SOX5: variants seen among roughly 807,000 people sequenced by gnomAD.
SOX5 encodes the protein SRY-box transcription factor 5.
Under a neutral mutation model 92.0 loss-of-function variants are expected in SOX5, and 9 were observed. That is an observed-to-expected ratio of 0.10 (90% CI 0.06 to 0.17). SOX5 has a LOEUF of 0.17. Ranked by LOEUF, SOX5 falls within the 10% of genes least tolerant of loss-of-function variation. The pLI, the probability that SOX5 is intolerant of heterozygous loss-of-function variation, is 1.00. For synonymous variants in SOX5, 344 were observed against 336.3 expected (o/e 1.02, Z -0.25); for missense variants, 642 against 944.5 (o/e 0.68, Z 4.20).
chr12:23,632,225 A>ATC (rs2078635407), intron 8 of SOX5: 1 of 152,134 alleles, frequency 6.6e-6, no homozygotes, highest in Non-Finnish European at 1.5e-5. Flanking sequence ...GGAGAGGAAA[A>ATC]GAAGGAATTC....
chr12:24,166,242 A>G (rs1953393225), intron 4 of SOX5, among the ~76,000 whole-genome samples: 1 of 152,142 alleles, frequency 6.6e-6, no homozygotes, highest in Admixed American at 6.5e-5. Flanking sequence ...GTGTTTCTTC[A>G]TAGAAGAGGG....
At chr12:23,569,200 A>C (rs1427934290) in intron 10 of SOX5, among the ~76,000 whole-genome samples, 1 of 152,154 alleles carries the variant, frequency 6.6e-6, no homozygotes, top group East Asian at 1.9e-4. Context: ...TAAAGACAAA[A>C]ATAAAAATAT....
At chr12:24,004,957 G>C (rs1951996843) in intron 4 of SOX5, among the ~76,000 whole-genome samples, 1 of 152,042 alleles carries the variant, frequency 6.6e-6, no homozygotes. Context: ...GCCGATGCAT[G>C]CTAAAACTTG....
At chr12:24,015,496 A>T (rs1351163526) in intron 4 of SOX5, among the ~76,000 whole-genome samples, 2 of 152,176 alleles carry the variant, frequency 1.3e-5, no homozygotes, top group East Asian at 3.8e-4. Context: ...GTGACACAGA[A>T]CATTATTGTT....
At chr12:23,656,644 A>T (rs1290993495) in intron 7 of SOX5, among the ~76,000 whole-genome samples, 1 of 152,090 alleles carries the variant, frequency 6.6e-6, no homozygotes, top group African/African-American at 2.4e-5. Flanking sequence ...TATGTAGCAT[A>T]TATCCTCAGG....
At chr12:23,570,938 T>A (rs1465612792) in intron 10 of SOX5, among the ~76,000 whole-genome samples, 134 of 7,126 alleles carry the variant, frequency 0.019, 10 homozygotes, top group East Asian at 0.066. Context: ...AAAATATATA[T>A]ATATATATAT....
intron 4 of SOX5, among the ~76,000 whole-genome samples, chr12:24,087,728 T>A (rs140447992): frequency 6.6e-6 from 1 of 152,184 alleles, no homozygotes; most frequent in East Asian, 1.9e-4. Flanking sequence ...ATGTTTACAA[T>A]ATGTAGAATA....
intron 1 of SOX5, among the ~76,000 whole-genome samples, chr12:24,428,984 G>A (rs1416587533): frequency 6.6e-6 from 1 of 151,984 alleles, no homozygotes; most frequent in African/African-American, 2.4e-5. Flanking sequence ...GCCTATTGCT[G>A]TGGTTATGAG....
chr12:24,496,862 C>T (rs950633293), intron 1 of SOX5, among the ~76,000 whole-genome samples: 3 of 152,190 alleles, frequency 2.0e-5, no homozygotes, highest in African/African-American at 7.2e-5. Flanking sequence ...TTACACCTTG[C>T]TCTTTATGAA....
At chr12:23,835,146 T>C (rs572866693) in intron 3 of SOX5, among the ~76,000 whole-genome samples, 1 of 152,030 alleles carries the variant, frequency 6.6e-6, no homozygotes, top group South Asian at 2.1e-4. Context: ...GATAGTCATC[T>C]ACCTTTACTT....
chr12:23,536,751 C>G (rs986414922), intron 13 of SOX5, 82 bp from the exon 14 acceptor site: 2 of 1,125,284 alleles, frequency 1.8e-6, no homozygotes, highest in Non-Finnish European at 2.7e-6. Flanking sequence ...ACAAGAAAAT[C>G]TAAAGTTGAG....
chr12:23,902,762 G>A (rs1165317047), intron 1 of SOX5, among the ~76,000 whole-genome samples: 1 of 151,984 alleles, frequency 6.6e-6, no homozygotes, highest in Admixed American at 6.6e-5. Context: ...TAATGCAAAG[G>A]ATGTGACTTT....
chr12:23,872,422 G>A (rs927962391), intron 2 of SOX5, among the ~76,000 whole-genome samples: 4 of 151,916 alleles, frequency 2.6e-5, no homozygotes, highest in Admixed American at 2.0e-4. Context: ...AAAAATACAA[G>A]CACACATGTC....
At chr12:23,639,817 G>C (rs1398842744) in intron 8 of SOX5, among the ~76,000 whole-genome samples, 3 of 152,232 alleles carry the variant, frequency 2.0e-5, no homozygotes, top group African/African-American at 7.2e-5. Flanking sequence ...GTGCAGGCCA[G>C]ATGTTATCTG....
At chr12:23,661,389 T>C (rs1777784641) in intron 7 of SOX5, among the ~76,000 whole-genome samples, 1 of 152,158 alleles carries the variant, frequency 6.6e-6, no homozygotes, top group Admixed American at 6.6e-5. Context: ...AAAGAAGCCA[T>C]GTGCTGCAGG....
chr12:24,230,795 G>T (rs1240828728), intron 3 of SOX5, among the ~76,000 whole-genome samples: 3 of 152,140 alleles, frequency 2.0e-5, no homozygotes, highest in African/African-American at 4.8e-5. Flanking sequence ...CTCAAATTTT[G>T]CAATTTTCAG....
At chr12:23,813,971 A>T (rs2095931939) in intron 3 of SOX5, among the ~76,000 whole-genome samples, 1 of 152,172 alleles carries the variant, frequency 6.6e-6, no homozygotes, top group African/African-American at 2.4e-5. Flanking sequence ...GTGAATCTTG[A>T]CATATAAGCA....
intron 4 of SOX5, among the ~76,000 whole-genome samples, chr12:24,104,209 T>G (rs1453050478): frequency 2.6e-5 from 4 of 152,206 alleles, no homozygotes; most frequent in Non-Finnish European, 5.9e-5. Context: ...ATTTACATGT[T>G]GAGATACATA....
At chr12:24,248,901 C>T (rs1939454207) in intron 3 of SOX5, among the ~76,000 whole-genome samples, 1 of 152,098 alleles carries the variant, frequency 6.6e-6, no homozygotes. Flanking sequence ...GAAGATCTTG[C>T]CGTTCAATTG....
Sources: allele counts gnomAD v4.1 joint callset (sites outside exome capture counted in the v4.1 genomes callset), GRCh38; gene constraint gnomAD v4.1.1; transcripts MANE v1.5; gene names NCBI Gene and HGNC (gene_info 2026-07-23, HGNC 2026-07-21).